SNX25: variants seen among roughly 807,000 people sequenced by gnomAD.
SNX25 encodes sorting nexin-25.
Under a neutral mutation model 113.7 loss-of-function variants are expected in SNX25, and 62 were observed. The observed-to-expected ratio is 0.55, with a 90% CI of 0.44 to 0.67. SNX25 has a LOEUF of 0.67. SNX25 is among the 30% of genes least tolerant of loss of function. The pLI, the probability that SNX25 is intolerant of heterozygous loss-of-function variation, is 0.00. For synonymous variants in SNX25, 421 were observed against 436.2 expected, an observed-to-expected ratio of 0.97 and a Z score of 0.43; for missense variants, 1,014 against 1,161.0, an observed-to-expected ratio of 0.87 and a Z score of 1.84.
At chr4:185,318,703 G>A (rs917025585) in intron 7 of SNX25, among the ~76,000 whole-genome samples, 1 of 152,222 alleles carries the variant, frequency 6.6e-6, no homozygotes, top group East Asian at 1.9e-4. Flanking sequence ...TCCATTATTG[G>A]CACTTACTAT....
At chr4:185,316,989 T>TC (rs1254051567) in intron 7 of SNX25, among the ~76,000 whole-genome samples, 31 of 152,344 alleles carry the variant, frequency 2.0e-4, no homozygotes, top group Admixed American at 5.9e-4. Flanking sequence ...GCAAGGGATA[T>TC]CCAAGTCCTT....
rs114110293 is a variant in SNX25, at chr4:185,309,084, G to A, written c.1163-1551G>A. On this transcript the variant is annotated intron_variant, in intron 6 of 18. Coordinates refer to ENST00000652585, the MANE Select transcript of SNX25 (RefSeq NM_001378034.2). The stretch of plus-strand genomic sequence containing the variant: ...TGGAGTGGCTTGACTGGGGTGGGAC[G>A]GTTTACTTTCAGGATGGTGTACTCA... Among the ~76,000 whole-genome samples the A allele has an allele frequency of 4.1e-3, 618 of 152,236 alleles. 1 individual carries two copies. The highest frequency in any genetic ancestry group is 0.013 in the African/African-American group (547 of 41,536).
chr4:185,307,624 T>C (rs1434498551), intron 6 of SNX25, among the ~76,000 whole-genome samples: 1 of 152,216 alleles, frequency 6.6e-6, no homozygotes. Flanking sequence ...GGCATCCAGC[T>C]ATGTCTGCAA....
chr4:185,338,276 G>GTTTT lies in SNX25; in HGVS notation c.1915-1102_1915-1101insTTTT, dbSNP rs550870942. On this transcript the variant is annotated intron_variant, in intron 10 of 18. Transcript: ENST00000652585. Reference sequence around the variant, plus strand: ...ATGAAACTTTCCCTCTATATTCTGTGTGTTTTTTTTTTTTTTTGAGACGGA... The same window carrying GTTTT: ...ATGAAACTTTCCCTCTATATTCTGTGTTTTTGTTTTTTTTTTTTTTTGAGACGGA... 2.1e-5 allele frequency among the ~76,000 whole-genome samples: 3 copies of GTTTT among 140,376 alleles called. 1 individual carries two copies. Among genetic ancestry groups the GTTTT allele is most frequent in the African/African-American group, 8.4e-5 (3 of 35,556 alleles). The allele number at this position is 140,376 out of a possible 152,430, so 92.1% of individuals were successfully genotyped here.
At chr4:185,205,224 G>T (rs190334715), upstream of SNX25, among the ~76,000 whole-genome samples, 4 of 152,356 alleles carry the variant, frequency 2.6e-5, no homozygotes, top group African/African-American at 9.6e-5. Context: ...GGGAGGCCGA[G>T]GCGGGTGGGG....
chr4:185,308,073 C>T (rs145165164), intron 6 of SNX25, among the ~76,000 whole-genome samples: 4 of 152,208 alleles, frequency 2.6e-5, no homozygotes, highest in African/African-American at 9.6e-5. Context: ...CCTCTCTTTA[C>T]TTTTAACTGA....
chr4:185,283,594 T>C (rs1189650474), intron 5 of SNX25, among the ~76,000 whole-genome samples: 1 of 152,184 alleles, frequency 6.6e-6, no homozygotes. Context: ...CTAGAGAAGA[T>C]AAGTATTAAC....
At chr4:185,377,014 G>A in the SNX25 span, 6 of 1,605,812 alleles carry the variant, frequency 3.7e-6, no homozygotes, top group Non-Finnish European at 5.1e-6. Context: ...TAGCATGGGT[G>A]TAATCTGATT....
chr4:185,234,458 G>A (rs1219761791), intron 1 of SNX25, among the ~76,000 whole-genome samples: 1 of 19,184 alleles, frequency 5.2e-5, no homozygotes, highest in African/African-American at 1.4e-4. Flanking sequence ...CGAGGCGGGC[G>A]GATCACGAGG....
chr4:185,248,829 T>A (rs1051894295), intron 2 of SNX25, among the ~76,000 whole-genome samples: 2 of 152,060 alleles, frequency 1.3e-5, no homozygotes, highest in African/African-American at 4.8e-5. Flanking sequence ...TGCCTCATGC[T>A]CCCCTTTGAT....
At chr4:185,276,008 T>C (rs1749621970) in intron 5 of SNX25, among the ~76,000 whole-genome samples, 1 of 152,218 alleles carries the variant, frequency 6.6e-6, no homozygotes, top group African/African-American at 2.4e-5. Flanking sequence ...CCTCCTTCAG[T>C]TGGTGTCTGA....
chr4:185,273,013 G>T (rs1749173265), intron 5 of SNX25, among the ~76,000 whole-genome samples: 1 of 152,158 alleles, frequency 6.6e-6, no homozygotes, highest in South Asian at 2.1e-4. Context: ...GTGGTATTCT[G>T]CTGTACCCTT....
intron 1 of SNX25, among the ~76,000 whole-genome samples, chr4:185,234,005 C>T (rs1441532071): frequency 3.3e-5 from 5 of 152,130 alleles, no homozygotes; most frequent in African/African-American, 1.2e-4. Context: ...CTACAGGCAC[C>T]TGCCACCATG....
At chr4:185,270,404 A>T (rs145836415) in intron 5 of SNX25, among the ~76,000 whole-genome samples, 3 of 152,372 alleles carry the variant, frequency 2.0e-5, no homozygotes, top group African/African-American at 7.2e-5. Context: ...TCTTGACGTC[A>T]TAAATAGGGC....
rs1444738381 is a variant in SNX25, at chr4:185,304,553, C to T, written c.1163-6082C>T. Among the ~76,000 whole-genome samples the T allele has an allele frequency of 2.6e-5, 4 of 152,142 alleles. No homozygotes were observed. In the South Asian group the frequency reaches 6.2e-4, roughly 24 times the overall value. ...AGTGTTTTTAGTAGAGAAGGGGTTTCTCCATGTTGATCAGACTGGTCTCCA... is the reference window on the plus strand; with the variant it reads ...AGTGTTTTTAGTAGAGAAGGGGTTTTTCCATGTTGATCAGACTGGTCTCCA... On this transcript the variant is annotated intron_variant, in intron 6 of 18. Coordinates refer to ENST00000652585, the MANE Select transcript of SNX25 (RefSeq NM_001378034.2).
chr4:185,280,577 T>A (rs1008006668), intron 5 of SNX25, among the ~76,000 whole-genome samples: 1 of 152,190 alleles, frequency 6.6e-6, no homozygotes, highest in Non-Finnish European at 1.5e-5. Context: ...TGGTGCAGAC[T>A]GAGAAAGTAA....
chr4:185,298,874 T>G (rs575984150), intron 6 of SNX25, among the ~76,000 whole-genome samples: 1 of 152,192 alleles, frequency 6.6e-6, no homozygotes, highest in South Asian at 2.1e-4. Flanking sequence ...TGAGTGCTGT[T>G]AGATCCGTCA....
chr4:185,249,119 C>T lies in SNX25; in HGVS notation c.514+1741C>T, dbSNP rs890199394. On this transcript the variant is annotated intron_variant, in intron 2 of 18. Transcript: ENST00000652585. ...AGTTAGTCAATACAGTTGCTATCAA[C>T]AGATATTTCAGTGGACATATGTTTT... 2.6e-5 allele frequency among the ~76,000 whole-genome samples: 4 copies of T among 152,268 alleles called. No individual in the cohort carries two copies. The East Asian group carries it at 5.8e-4, about 22-fold the overall frequency.
chr4:185,295,699 C>T (rs1752748175), intron 6 of SNX25: 1 of 152,154 alleles, frequency 6.6e-6, no homozygotes, highest in Non-Finnish European at 1.5e-5. Flanking sequence ...ATCCGCCCTC[C>T]TCGGCCTCTC....
Sources: gnomAD v4.1 joint callset for allele counts (sites outside exome capture counted in the v4.1 genomes callset) on GRCh38, gnomAD v4.1.1 for gene constraint, MANE v1.5 for transcripts, NCBI Gene and HGNC (gene_info 2026-07-23, HGNC 2026-07-21) for gene names.